Variants in TRIM67 observed in about 807,000 individuals in gnomAD.
The protein encoded by TRIM67 is tripartite motif containing 67.
A neutral mutation model predicts 71.0 loss-of-function variants in TRIM67; 39 were observed. That is an observed-to-expected ratio of 0.55 (90% CI 0.43 to 0.72). The LOEUF is 0.72. TRIM67 is among the 30% of genes least tolerant of loss of function. The pLI is 0.00. For missense variants in TRIM67, 973 were observed against 1,079.2 expected (o/e 0.90, Z 1.38); for synonymous variants, 481 against 473.9 (o/e 1.01, Z -0.19).
chr1:231,168,244 G>A (rs1276435066), intron 1 of TRIM67, among the ~76,000 whole-genome samples: 3 of 152,218 alleles, frequency 2.0e-5, no homozygotes, highest in African/African-American at 4.8e-5. Flanking sequence ...CTGGGATCAC[G>A]CCTGTAGGCG....
chr1:231,164,239 C>G (rs547986810), intron 1 of TRIM67, among the ~76,000 whole-genome samples: 1 of 152,324 alleles, frequency 6.6e-6, no homozygotes, highest in African/African-American at 2.4e-5. Flanking sequence ...GGAAAGATGA[C>G]TTATTAGGTC....
rs1417613531 is a variant in TRIM67 at position 231,162,454 on chromosome 1, G to A, written c.-516G>A. On this transcript the variant is annotated 5_prime_UTR_variant, in exon 1 of 10. Transcript: ENST00000366653. ...CTCGTGGTGCTGATCCCAGCCCCACGGCTGAGCGGCCTTCGCACCTGCCTG... is the reference window on the plus strand; with the variant it reads ...CTCGTGGTGCTGATCCCAGCCCCACAGCTGAGCGGCCTTCGCACCTGCCTG... 6.5e-6 allele frequency: 1 copy of A among 153,844 alleles called. No homozygotes were observed. Among genetic ancestry groups the A allele is most frequent in the East Asian group, 1.9e-4 (1 of 5,198 alleles). 9.5% of individuals were successfully genotyped at this position (153,844 alleles called of 1,614,324 possible). A position where few individuals can be genotyped will look rare whatever the true frequency, so the allele number is the denominator to read the frequency against.
At position 231,188,871 on chromosome 1, in the gene TRIM67, A is replaced by G. The variant is rs138841994; in HGVS notation, c.1045-8500A>G. On this transcript the variant is annotated intron_variant, in intron 1 of 9. Transcript: ENST00000366653. ...GTCCCACCTCAGGAGAGGAGAGGCC[A>G]TCAAGTCCAGGTTGTGACTGGGTTC... Among the ~76,000 whole-genome samples the G allele has an allele frequency of 2.8e-4, 42 of 152,328 alleles. No homozygotes were observed. The East Asian group carries it at 8.1e-3, about 29-fold the overall frequency.
chr1:231,202,890 C>G (rs1683590266), intron 5 of TRIM67, among the ~76,000 whole-genome samples: 1 of 152,056 alleles, frequency 6.6e-6, no homozygotes, highest in South Asian at 2.1e-4. Flanking sequence ...TAGGGCCACT[C>G]CAGATGCTGC....
Position 231,163,250 on chromosome 1 carries a change from G to A in TRIM67, c.281G>A (p.Gly94Asp). The change falls in exon 1 of 10, where the codon GGT becomes GAT. Residue 94 changes from glycine (G) to aspartate (D), a missense_variant. By Grantham distance (94) the Gly-to-Asp change is moderately conservative. This residue lies in a region of TRIM67 where 795 missense variants were observed against 831.3 expected (regional missense o/e 0.96). Coordinates refer to ENST00000366653, the MANE Select transcript of TRIM67 (RefSeq NM_001004342.5). ...AAGGLGGGAG[G>D]GGDHADKLSL... ...GGCGGCCTCGGCGGCGGTGCGGGAGGTGGCGGAGACCACGCGGACAAGCTC... is the reference window on the plus strand; with the variant it reads ...GGCGGCCTCGGCGGCGGTGCGGGAGATGGCGGAGACCACGCGGACAAGCTC... 2.6e-6 allele frequency: 4 copies of A among 1,510,222 alleles called. No homozygotes were observed. The highest frequency in any genetic ancestry group is 2.5e-5 in the South Asian group (2 of 79,350). The allele number at this position is 1,510,222 out of a possible 1,614,324, so 93.6% of individuals were successfully genotyped here. A position where few individuals can be genotyped will look rare whatever the true frequency, so the allele number is the denominator to read the frequency against.
chr1:231,200,624 G>T (rs1683493852), intron 4 of TRIM67, among the ~76,000 whole-genome samples: 1 of 152,178 alleles, frequency 6.6e-6, no homozygotes, highest in South Asian at 2.1e-4. Context: ...TGCAGGCCTG[G>T]CTGGTGACCA....
At chr1:231,196,768 C>T (rs1432567941) in intron 1 of TRIM67, among the ~76,000 whole-genome samples, 2 of 152,216 alleles carry the variant, frequency 1.3e-5, no homozygotes, top group African/African-American at 4.8e-5. Flanking sequence ...GGTCACACCC[C>T]TCTCTGCAGG....
rs1022679915 is a variant in TRIM67, at chr1:231,209,036, G to A, written c.1909G>A (p.Asp637Asn). Residue 637 changes from aspartate to asparagine, a missense_variant, in exon 8 of 10, where the codon GAC (aspartate) becomes AAC (asparagine). Coordinates refer to ENST00000366653, the MANE Select transcript of TRIM67 (RefSeq NM_001004342.5). This position sits in a 1 kb window ranked among gnomAD's most constrained non-coding sequence, Gnocchi z 4.1. The part of the protein sequence containing the change: ...NQTATCSSYD[D>N]RVVLGTAAFS... ...GACAGCCACCTGCAGCAGCTATGACGACCGGGTGGTGCTGGGCACAGCTGC... is the reference window on the plus strand; with the variant it reads ...GACAGCCACCTGCAGCAGCTATGACAACCGGGTGGTGCTGGGCACAGCTGC... The A allele has an allele frequency of 5.6e-6, 9 of 1,613,484 alleles. No homozygotes were observed. The highest frequency in any genetic ancestry group is 1.3e-5 in the African/African-American group (1 of 75,020).
chr1:231,164,857 T>A (rs1682407935), intron 1 of TRIM67, among the ~76,000 whole-genome samples: 1 of 152,252 alleles, frequency 6.6e-6, no homozygotes, highest in African/African-American at 2.4e-5. Flanking sequence ...ATAGATTTGT[T>A]GTTCATATAT....
rs1682322997 is a variant in TRIM67 at position 231,162,772 on chromosome 1, C to G, written c.-198C>G. 1.5e-6 allele frequency: 1 copy of G among 658,582 alleles called. No individual in the cohort carries two copies. Among genetic ancestry groups the G allele is most frequent in the Non-Finnish European group, 2.4e-6 (1 of 408,846 alleles). 40.8% of individuals were successfully genotyped at this position (658,582 alleles called of 1,614,324 possible). ...AGGAGGTGAGGACCCCCTCCCTTCT[C>G]TCGCCCCTCAATCATCTTAGGGCGG... On this transcript the variant is annotated 5_prime_UTR_variant, in exon 1 of 10. Transcript: ENST00000366653.
At position 231,215,403 on chromosome 1, in the gene TRIM67, C is replaced by T. The variant is rs755009817; in HGVS notation, c.2315C>T (p.Pro772Leu). 20 of 1,612,304 alleles carry T rather than the reference C, an allele frequency of 1.2e-5. No homozygotes were observed. In the Admixed American group the frequency reaches 1.7e-4, roughly 13 times the overall value. The stretch of plus-strand genomic sequence containing the variant: ...ACCCTGCACACAGGATTGGAAGTGC[C>T]GACTAACCTGGGGCGGCCAAAGCTG... Reference protein sequence around the residue: ...QVTLHTGLEVPTNLGRPKLSG... With the variant: ...QVTLHTGLEVLTNLGRPKLSG... The change falls in exon 10 of 10, where the codon CCG (proline) becomes CTG (leucine). Residue 772 changes from proline to leucine, a missense_variant. Physicochemically the swap from Pro to Leu is moderately conservative, Grantham distance 98 (BLOSUM62 -3). This residue lies in a region of TRIM67 where 178 missense variants were observed against 247.9 expected (regional missense o/e 0.72). Transcript: ENST00000366653.
At chr1:231,174,366 C>T (rs527763161) in intron 1 of TRIM67, among the ~76,000 whole-genome samples, 9 of 149,566 alleles carry the variant, frequency 6.0e-5, no homozygotes, top group African/African-American at 9.9e-5. Flanking sequence ...TTGCATTTTG[C>T]TATGTTGCCT....
chr1:231,188,872 T>A (rs1281950417), intron 1 of TRIM67, among the ~76,000 whole-genome samples: 1 of 152,186 alleles, frequency 6.6e-6, no homozygotes, highest in Non-Finnish European at 1.5e-5. Context: ...GGAGAGGCCA[T>A]CAAGTCCAGG....
intron 1 of TRIM67, among the ~76,000 whole-genome samples, chr1:231,177,073 G>A (rs1682774101): frequency 6.6e-6 from 1 of 152,140 alleles, no homozygotes; most frequent in African/African-American, 2.4e-5. Context: ...AAAGAAGGCT[G>A]ATTTTGGTCA....
At chr1:231,168,377 G>A (rs1317937971) in intron 1 of TRIM67, among the ~76,000 whole-genome samples, 4 of 152,144 alleles carry the variant, frequency 2.6e-5, no homozygotes, top group Non-Finnish European at 5.9e-5. Flanking sequence ...TCTGTCTTTT[G>A]CTGTTACAAA....
At chr1:231,165,232 G>C (rs1682419943) in intron 1 of TRIM67, among the ~76,000 whole-genome samples, 1 of 152,252 alleles carries the variant, frequency 6.6e-6, no homozygotes. Flanking sequence ...CAATTATCCA[G>C]CCCCAAATGT....
rs757864934 is a variant in TRIM67, at chr1:231,209,255, G to A, written c.2123+5G>A. ...CTGCAACTCCCACACCAACAGGTGC[G>A]ATTGGGCCCCATCCTGCCTCCCGTG... On this transcript the variant is annotated splice_donor_5th_base_variant and intron_variant, in intron 8 of 9. Coordinates refer to ENST00000366653, the MANE Select transcript of TRIM67 (RefSeq NM_001004342.5). The surrounding 1 kb of genome is among the most constrained non-coding windows in gnomAD (Gnocchi z 4.1). 2.6e-5 allele frequency: 40 copies of A among 1,533,334 alleles called. No homozygotes were observed. Among genetic ancestry groups the A allele is most frequent in the Non-Finnish European group, 3.3e-5 (38 of 1,134,560 alleles). The allele number at this position is 1,533,334 out of a possible 1,614,324, so 95.0% of individuals were successfully genotyped here. A position where few individuals can be genotyped will look rare whatever the true frequency, so the allele number is the denominator to read the frequency against.
intron 1 of TRIM67, among the ~76,000 whole-genome samples, chr1:231,183,115 A>G (rs1463865576): frequency 6.6e-6 from 1 of 152,184 alleles, no homozygotes; most frequent in Non-Finnish European, 1.5e-5. Flanking sequence ...GAGTTGTGGA[A>G]GGGATAAAGA....
chr1:231,177,330 G>A (rs1012536042), intron 1 of TRIM67, among the ~76,000 whole-genome samples: 16 of 152,198 alleles, frequency 1.1e-4, no homozygotes, highest in African/African-American at 3.9e-4. Flanking sequence ...TATTGTCACA[G>A]AACTAATTCT....
Sources: allele counts gnomAD v4.1 joint callset (sites outside exome capture counted in the v4.1 genomes callset), GRCh38; gene constraint gnomAD v4.1.1; regional missense constraint gnomAD v4.1.1; non-coding constraint Gnocchi (gnomAD v3.1); transcripts MANE v1.5; gene names NCBI Gene and HGNC (gene_info 2026-07-23, HGNC 2026-07-21).